Variants in NHS observed in about 807,000 individuals in gnomAD.
NHS encodes NHS actin remodeling regulator, also known as actin remodeling regulator NHS.
In NHS, 5 loss-of-function variants were observed where a neutral mutation model predicts 72.5. The ratio of observed to expected loss-of-function variants is 0.07; its 90% CI spans 0.04 to 0.14. The LOEUF (loss-of-function observed/expected upper bound fraction) is 0.14, where lower values mean the gene tolerates loss of function less well. Ranked by LOEUF, NHS falls within the 10% of genes least tolerant of loss-of-function variation. The probability of loss-of-function intolerance (pLI) is 1.00; values close to 1 mark genes in which losing one functional copy is unlikely to be tolerated. For synonymous variants in NHS, 464 were observed against 547.7 expected, an observed-to-expected ratio of 0.85 and a Z score of 2.13; for missense variants, 1,072 against 1,355.7, an observed-to-expected ratio of 0.79 and a Z score of 3.29.
chrX:17,712,383 C>CAT (rs1295275829), intron 3 of NHS, among the ~76,000 whole-genome samples: 3 of 89,864 alleles, frequency 3.3e-5, no homozygotes, highest in African/African-American at 1.5e-4. Flanking sequence ...CACACACACA[C>CAT]ACACACACAC....
At chrX:17,517,027 T>C (rs889158364) in intron 1 of NHS, among the ~76,000 whole-genome samples, 1 of 112,072 alleles carries the variant, frequency 8.9e-6, no homozygotes, top group African/African-American at 3.2e-5. Flanking sequence ...CTGTCCCTGA[T>C]TGCTGGATAA....
chrX:17,665,312 C>T (rs996602177), intron 1 of NHS, among the ~76,000 whole-genome samples: 1 of 101,092 alleles, frequency 9.9e-6, no homozygotes, highest in South Asian at 4.3e-4. Context: ...AGTATATTAC[C>T]TATAGATTTT....
At chrX:17,585,671 A>T (rs947298963) in intron 1 of NHS, among the ~76,000 whole-genome samples, 1 of 109,761 alleles carries the variant, frequency 9.1e-6, no homozygotes. Flanking sequence ...CTTCCTACAG[A>T]TGCCACCATC....
chrX:17,406,471 A>G (rs1407434721), intron 1 of NHS, among the ~76,000 whole-genome samples: 2 of 111,461 alleles, frequency 1.8e-5, no homozygotes, highest in East Asian at 5.7e-4. Context: ...CATCTCTGTG[A>G]GCTGTGGATC....
intron 1 of NHS, among the ~76,000 whole-genome samples, chrX:17,431,251 C>G (rs1456591356): frequency 9.0e-6 from 1 of 111,444 alleles, no homozygotes; most frequent in Non-Finnish European, 1.9e-5. Context: ...GGGTCTGTGA[C>G]CCTGGCCAGA....
chrX:17,633,365 T>C (rs73189158), intron 1 of NHS, among the ~76,000 whole-genome samples: 1,313 of 112,071 alleles, frequency 0.012, 11 homozygotes, highest in Non-Finnish European at 0.016. Flanking sequence ...GCTGGCCTAG[T>C]GTCCACAGAA....
chrX:17,701,706 G>A (rs906885240), intron 3 of NHS, among the ~76,000 whole-genome samples: 1 of 110,828 alleles, frequency 9.0e-6, no homozygotes, highest in African/African-American at 3.3e-5. Flanking sequence ...TATGTGGAGT[G>A]AACTGAGGTG....
At chrX:17,424,626 G>A (rs1206041773) in intron 1 of NHS, among the ~76,000 whole-genome samples, 2 of 111,886 alleles carry the variant, frequency 1.8e-5, no homozygotes, top group African/African-American at 6.5e-5. Flanking sequence ...CCTTGAGTTT[G>A]GAAGAAGAAA....
intron 1 of NHS, among the ~76,000 whole-genome samples, chrX:17,527,109 G>A (rs1401840063): frequency 8.9e-6 from 1 of 112,585 alleles, no homozygotes; most frequent in African/African-American, 3.2e-5. Context: ...CACCCTGTTG[G>A]GCTTGTTTCC....
At chrX:17,498,896 C>G (rs761688652) in intron 1 of NHS, among the ~76,000 whole-genome samples, 31 of 111,351 alleles carry the variant, frequency 2.8e-4, no homozygotes, top group Non-Finnish European at 1.3e-4. Context: ...TATGTTAAAC[C>G]CTCTCCCTGT....
At chrX:17,689,353 T>G (rs1320874201) in intron 2 of NHS, among the ~76,000 whole-genome samples, 1 of 112,539 alleles carries the variant, frequency 8.9e-6, no homozygotes, top group African/African-American at 3.2e-5. Context: ...CAGTATCCTG[T>G]AGAAGCATCT....
chrX:17,507,966 A>G (rs542503082), intron 1 of NHS, among the ~76,000 whole-genome samples: 1 of 111,728 alleles, frequency 9.0e-6, no homozygotes, highest in East Asian at 2.8e-4. Context: ...TTTTGCATAT[A>G]CTATCTCATT....
chrX:17,629,975 C>T (rs1013210788), intron 1 of NHS, among the ~76,000 whole-genome samples: 1 of 108,790 alleles, frequency 9.2e-6, no homozygotes, highest in African/African-American at 3.4e-5. Context: ...AGTTCAGTTG[C>T]CTGCATCTTG....
intron 1 of NHS, among the ~76,000 whole-genome samples, chrX:17,624,656 A>G (rs1433634121): frequency 1.8e-5 from 2 of 113,564 alleles, no homozygotes; most frequent in African/African-American, 6.4e-5. Flanking sequence ...ATAGTATTCC[A>G]TGGTGTGAAA....
At chrX:17,603,184 TG>T (rs200988602) in intron 1 of NHS, among the ~76,000 whole-genome samples, 3 of 111,356 alleles carry the variant, frequency 2.7e-5, no homozygotes, top group East Asian at 5.6e-4. Context: ...TGTGTGTGTA[TG>T]GGGGGGCCCT....
intron 1 of NHS, among the ~76,000 whole-genome samples, chrX:17,470,050 G>A (rs759017912): frequency 9.0e-6 from 1 of 111,329 alleles, no homozygotes; most frequent in Non-Finnish European, 1.9e-5. Flanking sequence ...ACAGCAGACT[G>A]GGGTGGATTG....
intron 1 of NHS, among the ~76,000 whole-genome samples, chrX:17,480,490 C>T (rs1404767567): frequency 1.8e-5 from 2 of 111,297 alleles, no homozygotes; most frequent in African/African-American, 3.3e-5. Context: ...TATCTACAAC[C>T]GTCTGATCTT....
intron 1 of NHS, among the ~76,000 whole-genome samples, chrX:17,582,956 G>A (rs1056095381): frequency 1.8e-5 from 2 of 112,139 alleles, no homozygotes; most frequent in African/African-American, 6.5e-5. Flanking sequence ...GGGCATTGAA[G>A]CCCTGCCTTG....
At chrX:17,438,460 A>G (rs2064735088) in intron 1 of NHS, among the ~76,000 whole-genome samples, 1 of 111,679 alleles carries the variant, frequency 9.0e-6, no homozygotes, top group African/African-American at 3.3e-5. Context: ...CAGCTTTCTC[A>G]TCTTTAAAGG....
Sources: allele counts gnomAD v4.1 joint callset (sites outside exome capture counted in the v4.1 genomes callset), GRCh38; gene constraint gnomAD v4.1.1; transcripts MANE v1.5; gene names NCBI Gene and HGNC (gene_info 2026-07-23, HGNC 2026-07-21).